Variants in TMEM135 observed in about 807,000 individuals in gnomAD.
The protein encoded by TMEM135 is peroxisomal membrane protein 52.
A neutral mutation model predicts 60.3 loss-of-function variants in TMEM135; 30 were observed. The ratio of observed to expected loss-of-function variants is 0.50; its 90% CI spans 0.37 to 0.68. The LOEUF (loss-of-function observed/expected upper bound fraction) is 0.68, where lower values mean the gene tolerates loss of function less well. Ranked by LOEUF, TMEM135 falls within the 30% of genes least tolerant of loss-of-function variation. The probability of loss-of-function intolerance (pLI) is 0.00; values close to 1 mark genes in which losing one functional copy is unlikely to be tolerated. For missense variants in TMEM135, 468 were observed against 548.8 expected (o/e 0.85, Z 1.47); for synonymous variants, 190 against 186.7 (o/e 1.02, Z -0.14).
chr11:87,172,551 T>G (rs1206909079), intron 5 of TMEM135, among the ~76,000 whole-genome samples: 1 of 152,066 alleles, frequency 6.6e-6, no homozygotes, highest in Non-Finnish European at 1.5e-5. Flanking sequence ...GAATATTTAA[T>G]TTTAGACTGA....
At chr11:87,089,972 C>T (rs1024740473) in intron 3 of TMEM135, among the ~76,000 whole-genome samples, 3 of 152,124 alleles carry the variant, frequency 2.0e-5, no homozygotes, top group African/African-American at 4.8e-5. Flanking sequence ...GTGCAGGTTT[C>T]TGCCATGTTC....
chr11:87,226,097 C>G (rs1940759554), intron 5 of TMEM135, among the ~76,000 whole-genome samples: 1 of 152,088 alleles, frequency 6.6e-6, no homozygotes, highest in Admixed American at 6.5e-5. Flanking sequence ...ATTATAATGA[C>G]TTACAATGAC....
chr11:87,289,816 T>C (rs1489473046), intron 6 of TMEM135, among the ~76,000 whole-genome samples: 3 of 152,158 alleles, frequency 2.0e-5, no homozygotes, highest in Non-Finnish European at 2.9e-5. Flanking sequence ...TCTGTTCTAC[T>C]TTCTACTTTT....
chr11:87,274,681 C>G (rs968173522), intron 6 of TMEM135, among the ~76,000 whole-genome samples: 1 of 151,622 alleles, frequency 6.6e-6, no homozygotes, highest in East Asian at 1.9e-4. Context: ...ATCATTTGAG[C>G]CAGGTGTGGT....
At chr11:87,161,850 A>C (rs1302923469) in intron 5 of TMEM135, among the ~76,000 whole-genome samples, 2 of 152,202 alleles carry the variant, frequency 1.3e-5, no homozygotes, top group African/African-American at 4.8e-5. Flanking sequence ...GAGATTCATG[A>C]ATGGAAAGAG....
chr11:87,263,715 A>T (rs1451976512), intron 6 of TMEM135, among the ~76,000 whole-genome samples: 1 of 152,112 alleles, frequency 6.6e-6, no homozygotes, highest in Admixed American at 6.5e-5. Flanking sequence ...GAGATTATGT[A>T]ATAAGCATTG....
chr11:87,243,312 C>G (rs1440820927), intron 6 of TMEM135, among the ~76,000 whole-genome samples: 3 of 147,280 alleles, frequency 2.0e-5, no homozygotes, highest in African/African-American at 7.6e-5. Context: ...GTTCTTTTGG[C>G]TTAGGATTGA....
intron 4 of TMEM135, among the ~76,000 whole-genome samples, chr11:87,099,950 G>T (rs752342048): frequency 6.6e-5 from 10 of 151,912 alleles, no homozygotes; most frequent in Non-Finnish European, 1.3e-4. Context: ...CAAAGTGCTG[G>T]GATTACAGGT....
chr11:87,248,202 T>C (rs1427856308), intron 6 of TMEM135, among the ~76,000 whole-genome samples: 1 of 152,132 alleles, frequency 6.6e-6, no homozygotes, highest in Non-Finnish European at 1.5e-5. Flanking sequence ...TTTGCTTTCT[T>C]TTGGGAGTAC....
At chr11:87,042,959 GTT>G (rs59843545) in intron 1 of TMEM135, among the ~76,000 whole-genome samples, 3 of 141,188 alleles carry the variant, frequency 2.1e-5, no homozygotes, top group Non-Finnish European at 3.1e-5. Context: ...GTTTTGTTTT[GTT>G]TTTTTTTTTT....
At chr11:87,250,192 G>A (rs1245266312) in intron 6 of TMEM135, among the ~76,000 whole-genome samples, 2 of 151,832 alleles carry the variant, frequency 1.3e-5, no homozygotes, top group Non-Finnish European at 2.9e-5. Flanking sequence ...ATGTATTTGT[G>A]CATTTTGTTT....
intron 8 of TMEM135, among the ~76,000 whole-genome samples, chr11:87,302,922 A>T (rs184622198): frequency 4.9e-4 from 75 of 152,370 alleles, no homozygotes; most frequent in African/African-American, 1.8e-3. Flanking sequence ...AGAAGCTATC[A>T]TGTTTCATAC....
rs143695482 is a variant in TMEM135, at chr11:87,040,522, C to T, written c.141+2336C>T. Among the ~76,000 whole-genome samples, 1,379 of 152,180 alleles carry T rather than the reference C, an allele frequency of 9.1e-3. 16 individuals are homozygous for T. The highest frequency in any genetic ancestry group is 0.016 in the South Asian group (79 of 4,810). On this transcript the variant is annotated intron_variant, in intron 1 of 14. Coordinates refer to ENST00000305494, the MANE Select transcript of TMEM135 (RefSeq NM_022918.4). ...TACGAAAAATATAAAATTAGCTGGG[C>T]GTGGTGGCACATGCCTGTAATCCCA...
chr11:87,195,373 C>CTCT (rs1565482148), intron 5 of TMEM135, among the ~76,000 whole-genome samples: 1 of 120,966 alleles, frequency 8.3e-6, no homozygotes, highest in African/African-American at 3.0e-5. Context: ...TTCCTTCCTT[C>CTCT]CTTCCTTCCT....
intron 4 of TMEM135, among the ~76,000 whole-genome samples, chr11:87,137,258 C>A (rs1382040790): frequency 8.0e-6 from 1 of 125,554 alleles, no homozygotes. Flanking sequence ...GCACTCTATG[C>A]CTATATCTAA....
chr11:87,290,943 G>T (rs1942251679), intron 6 of TMEM135, among the ~76,000 whole-genome samples: 3 of 152,112 alleles, frequency 2.0e-5, no homozygotes, highest in Admixed American at 2.0e-4. Context: ...AAATAAAAAT[G>T]AGACTTTATA....
chr11:87,325,901 TC>T lies in TMEM135; in HGVS notation c.*4571del. On this transcript the variant is annotated 3_prime_UTR_variant, in exon 15 of 15. Coordinates refer to ENST00000305494, the MANE Select transcript of TMEM135 (RefSeq NM_022918.4). Reference sequence around the variant, plus strand: ...ACTTTCTCCATTTTTTTTCCATCTGTCCCTCCTACGAATATGTTTTACATGA... The same window carrying T: ...ACTTTCTCCATTTTTTTTCCATCTGTCCTCCTACGAATATGTTTTACATGA... 1 of 454,018 alleles carries T rather than the reference TC, an allele frequency of 2.2e-6. No individual in the cohort carries two copies. The highest frequency in any genetic ancestry group is 2.0e-5 in the African/African-American group (1 of 50,098). 28.1% of individuals were successfully genotyped at this position (454,018 alleles called of 1,614,324 possible).
chr11:87,173,413 T>C (rs1939290072), intron 5 of TMEM135, among the ~76,000 whole-genome samples: 1 of 152,210 alleles, frequency 6.6e-6, no homozygotes. Context: ...TGGGTTTTAA[T>C]TGTAAACTAA....
At chr11:87,174,329 A>G (rs1318108931) in intron 5 of TMEM135, among the ~76,000 whole-genome samples, 1 of 152,138 alleles carries the variant, frequency 6.6e-6, no homozygotes, top group Non-Finnish European at 1.5e-5. Flanking sequence ...AACATGATTC[A>G]CTTCTGCCAA....
Sources: allele counts gnomAD v4.1 joint callset (sites outside exome capture counted in the v4.1 genomes callset), GRCh38; gene constraint gnomAD v4.1.1; transcripts MANE v1.5; gene names NCBI Gene and HGNC (gene_info 2026-07-23, HGNC 2026-07-21).